CPEB3: variants seen among roughly 807,000 people sequenced by gnomAD.
CPEB3 encodes the protein cytoplasmic polyadenylation element-binding protein 3.
In CPEB3, 20 loss-of-function variants were observed where a neutral mutation model predicts 67.2. That is an observed-to-expected ratio of 0.30 (90% CI 0.21 to 0.43). The LOEUF (loss-of-function observed/expected upper bound fraction) is 0.43. Ranked by LOEUF, CPEB3 falls within the 20% of genes least tolerant of loss-of-function variation. The pLI is 1.00. For synonymous variants in CPEB3, 376 were observed against 393.1 expected, an observed-to-expected ratio of 0.96 and a Z score of 0.51; for missense variants, 746 against 968.6, an observed-to-expected ratio of 0.77 and a Z score of 3.05.
chr10:92,262,671 A>G (rs923524710), intron 1 of CPEB3, among the ~76,000 whole-genome samples: 1 of 152,108 alleles, frequency 6.6e-6, no homozygotes, highest in African/African-American at 2.4e-5. Context: ...ACATACAGAG[A>G]TCTTGTCTCT....
At chr10:92,241,321 G>A (rs879635729) in intron 1 of CPEB3, among the ~76,000 whole-genome samples, 1 of 151,468 alleles carries the variant, frequency 6.6e-6, no homozygotes, top group Non-Finnish European at 1.5e-5. Context: ...AGATAGGGTG[G>A]GGGTGGGGCT....
intron 1 of CPEB3, among the ~76,000 whole-genome samples, chr10:92,268,279 C>T (rs1043444839): frequency 1.3e-5 from 2 of 152,026 alleles, no homozygotes; most frequent in African/African-American, 2.4e-5. Flanking sequence ...ATTACCTGTT[C>T]CTGATATTCA....
intron 1 of CPEB3, among the ~76,000 whole-genome samples, chr10:92,275,425 T>G (rs1462815839): frequency 1.3e-5 from 2 of 152,202 alleles, no homozygotes; most frequent in African/African-American, 4.8e-5. Flanking sequence ...TATACAGAAA[T>G]ATCTCATTTG....
intron 6 of CPEB3, chr10:92,118,679 G>T: frequency 1.5e-6 from 1 of 683,888 alleles, no homozygotes; most frequent in Non-Finnish European, 2.7e-6. Context: ...GCTGAGACAT[G>T]TTGGTCGACA....
At chr10:92,081,274 ACTT>A in intron 9 of CPEB3, 43 bp downstream of exon 9, 1 of 1,607,444 alleles carries the variant, frequency 6.2e-7, no homozygotes, top group South Asian at 1.1e-5. Context: ...TACAGAACAA[ACTT>A]CTTTTCTCTC....
intron 4 of CPEB3, among the ~76,000 whole-genome samples, chr10:92,166,118 T>C (rs988535259): frequency 2.0e-5 from 3 of 151,876 alleles, no homozygotes; most frequent in Non-Finnish European, 4.4e-5. Context: ...TTTTCTTTTT[T>C]TTTTTTTTGA....
At chr10:92,095,601 T>TATATATATATATATA (rs1491405800) in intron 7 of CPEB3, among the ~76,000 whole-genome samples, 21 of 87,684 alleles carry the variant, frequency 2.4e-4, no homozygotes, top group South Asian at 3.3e-4. Context: ...TATATATATA[T>TATATATATATATATA]TTTTTTTTTT....
At chr10:92,269,343 C>T (rs943494530) in intron 1 of CPEB3, among the ~76,000 whole-genome samples, 1 of 151,748 alleles carries the variant, frequency 6.6e-6, no homozygotes, top group African/African-American at 2.4e-5. Flanking sequence ...TTTTAGTATA[C>T]CAAATATGCT....
intron 1 of CPEB3, among the ~76,000 whole-genome samples, chr10:92,283,752 G>A: frequency 8.3e-6 from 1 of 120,834 alleles, no homozygotes; most frequent in Admixed American, 1.1e-4. Flanking sequence ...TTTGAGACAA[G>A]GTCTCACTCT....
intron 6 of CPEB3, among the ~76,000 whole-genome samples, chr10:92,142,017 C>CA (rs1307913210): frequency 3.1e-3 from 150 of 48,462 alleles, no homozygotes; most frequent in Middle Eastern, 9.1e-3. Context: ...GACTCCGTCT[C>CA]AAAAAAAAAA....
At chr10:92,141,244 A>G (rs1431094156) in intron 6 of CPEB3, among the ~76,000 whole-genome samples, 58 of 150,084 alleles carry the variant, frequency 3.9e-4, no homozygotes, top group South Asian at 1.5e-3. Flanking sequence ...ATGTCCGACA[A>G]TGATAGACTG....
At chr10:92,071,594 G>A (rs1842754953) in intron 9 of CPEB3, among the ~76,000 whole-genome samples, 1 of 152,072 alleles carries the variant, frequency 6.6e-6, no homozygotes, top group African/African-American at 2.4e-5. Context: ...AATTAGCTGG[G>A]CACGGTGGCA....
chr10:92,115,545 T>G (rs1380909271), intron 6 of CPEB3, among the ~76,000 whole-genome samples: 1 of 152,178 alleles, frequency 6.6e-6, no homozygotes, highest in Non-Finnish European at 1.5e-5. Context: ...GAAAAAGCAT[T>G]GCTGTAATAT....
chr10:92,261,788 G>T (rs1340449844), intron 1 of CPEB3, among the ~76,000 whole-genome samples: 2 of 152,088 alleles, frequency 1.3e-5, no homozygotes, highest in Non-Finnish European at 2.9e-5. Context: ...ATGTGAGCAG[G>T]CAACAGCACT....
At chr10:92,199,340 G>A (rs1210321412) in intron 2 of CPEB3, among the ~76,000 whole-genome samples, 57 of 145,132 alleles carry the variant, frequency 3.9e-4, no homozygotes, top group African/African-American at 1.2e-3. Context: ...GCGGTGAGCC[G>A]AGATCATGCC....
chr10:92,170,636 A>G (rs1043568425), intron 4 of CPEB3, among the ~76,000 whole-genome samples: 13 of 152,192 alleles, frequency 8.5e-5, no homozygotes, highest in African/African-American at 2.9e-4. Flanking sequence ...AAGGAAGGAA[A>G]AAAAGAGAAA....
At chr10:92,252,833 A>T (rs1194995867) in intron 1 of CPEB3, among the ~76,000 whole-genome samples, 5 of 152,202 alleles carry the variant, frequency 3.3e-5, no homozygotes, top group Admixed American at 2.6e-4. Flanking sequence ...CTCCAACTGT[A>T]TAAAACAGCA....
At chr10:92,242,561 T>A (rs1041450313) in intron 1 of CPEB3, among the ~76,000 whole-genome samples, 2 of 152,214 alleles carry the variant, frequency 1.3e-5, no homozygotes, top group Non-Finnish European at 2.9e-5. Flanking sequence ...ATTGTCTTTA[T>A]AATAGCCATA....
chr10:92,117,519 A>G (rs1449815102), intron 6 of CPEB3, among the ~76,000 whole-genome samples: 1 of 149,134 alleles, frequency 6.7e-6, no homozygotes, highest in East Asian at 2.0e-4. Context: ...TTTAGTAGAG[A>G]CGGGGTTTCA....
Sources: gnomAD v4.1 joint callset for allele counts (sites outside exome capture counted in the v4.1 genomes callset) on GRCh38, gnomAD v4.1.1 for gene constraint, MANE v1.5 for transcripts, NCBI Gene and HGNC (gene_info 2026-07-23, HGNC 2026-07-21) for gene names.